RXRA: variants seen among roughly 807,000 people sequenced by gnomAD.
The protein encoded by RXRA is retinoid X receptor alpha.
In RXRA, 5 loss-of-function variants were observed where a neutral mutation model predicts 44.5. The ratio of observed to expected loss-of-function variants is 0.11; its 90% CI spans 0.06 to 0.24. RXRA has a LOEUF of 0.24. Among genes scored for constraint, RXRA ranks in the 10% least tolerant of loss-of-function variants. The pLI is 1.00. For missense variants in RXRA, 412 were observed against 646.5 expected (o/e 0.64, Z 3.93); for synonymous variants, 291 against 271.4 (o/e 1.07, Z -0.71).
intron 1 of RXRA, among the ~76,000 whole-genome samples, chr9:134,347,433 A>G (rs1051726790): frequency 1.3e-5 from 2 of 152,146 alleles, no homozygotes; most frequent in East Asian, 3.9e-4. Context: ...TGGGAGGCAG[A>G]CACCGTGCCG....
In RXRA at chr9:134,357,080, C is replaced by T. The variant is rs73663462; in HGVS notation, c.28+30421C>T. On this transcript the variant is annotated intron_variant, in intron 1 of 9. Coordinates refer to ENST00000481739, the MANE Select transcript of RXRA (RefSeq NM_002957.6). ...AAAAGAAAAGAAAAAAATCCACCCC[C>T]AAACCCACCCAGCCCACACCCTGAA... Among the ~76,000 whole-genome samples, 726 of 152,334 alleles carry T rather than the reference C, an allele frequency of 4.8e-3. 7 individuals carry two copies. Among genetic ancestry groups the T allele is most frequent in the African/African-American group, 0.016 (681 of 41,572 alleles).
Position 134,401,651 on chromosome 9 carries a change from C to T in RXRA, c.48C>T (p.Asn16=), listed in dbSNP as rs755375514. 4 of 1,612,990 alleles carry T rather than the reference C, an allele frequency of 2.5e-6. No individual in the cohort carries two copies. Among genetic ancestry groups the T allele is most frequent in the Non-Finnish European group, 3.4e-6 (4 of 1,179,930 alleles). ...FLPLDFSTQV[N]SSLTSPTGRG... ...TTGCAGATTTCTCCACCCAGGTGAA[C>T]TCCTCCCTCACCTCCCCGACGGGGC... Residue 16 remains asparagine (N), a synonymous_variant, in exon 2 of 10, where the codon AAC becomes AAT. Transcript: ENST00000481739.
At chr9:134,393,442 G>T (rs1830829138) in intron 1 of RXRA, among the ~76,000 whole-genome samples, 1 of 152,190 alleles carries the variant, frequency 6.6e-6, no homozygotes. Flanking sequence ...CAGGCAGCCT[G>T]GTCCCAGGTT....
chr9:134,420,654 C>G (rs1461936311), intron 5 of RXRA, among the ~76,000 whole-genome samples: 1 of 152,242 alleles, frequency 6.6e-6, no homozygotes, highest in Non-Finnish European at 1.5e-5. Flanking sequence ...GCATTTTTCT[C>G]CTTGGCAGAT....
In RXRA at chr9:134,342,406, G is replaced by A. The variant is rs1830096454; in HGVS notation, c.28+15747G>A. Among the ~76,000 whole-genome samples the A allele has an allele frequency of 6.6e-6, 1 of 152,202 alleles. No homozygotes were observed. Among genetic ancestry groups the A allele is most frequent in the Non-Finnish European group, 1.5e-5 (1 of 68,030 alleles). ...GATCTTCAAGGCCACACAGCTTGTGGGCATGGAGGGGCCGATCCTTGCCCT... is the reference window on the plus strand; with the variant it reads ...GATCTTCAAGGCCACACAGCTTGTGAGCATGGAGGGGCCGATCCTTGCCCT... On this transcript the variant is annotated intron_variant, in intron 1 of 9. Coordinates refer to ENST00000481739, the MANE Select transcript of RXRA (RefSeq NM_002957.6). The surrounding 1 kb of genome is among the most constrained non-coding windows in gnomAD (Gnocchi z 4.4).
intron 1 of RXRA, among the ~76,000 whole-genome samples, chr9:134,400,942 G>A (rs1830949463): frequency 1.3e-5 from 2 of 152,200 alleles, no homozygotes; most frequent in African/African-American, 2.4e-5. Context: ...GTGCCCGGGC[G>A]ACCACTGCTG....
Position 134,365,443 on chromosome 9 carries a change from C to T in RXRA, c.29-36189C>T, listed in dbSNP as rs938688220. On this transcript the variant is annotated intron_variant, in intron 1 of 9. Transcript: ENST00000481739. This position sits in a 1 kb window ranked among gnomAD's most constrained non-coding sequence, Gnocchi z 4.0. ...TCGTGGTGTGTCCTGGTGTGAGACC[C>T]GGTGTTCTTGGCTGATGTGTGGGTT... is the stretch of plus-strand genomic sequence containing the variant. 6.6e-6 allele frequency among the ~76,000 whole-genome samples: 1 copy of T among 152,114 alleles called. No individual in the cohort carries two copies. The highest frequency in any genetic ancestry group is 1.5e-5 in the Non-Finnish European group (1 of 68,014).
intron 1 of RXRA, among the ~76,000 whole-genome samples, chr9:134,330,018 C>T (rs1834978456): frequency 3.3e-5 from 5 of 152,344 alleles, no homozygotes; most frequent in African/African-American, 4.8e-5. Flanking sequence ...GAAAGCTTTA[C>T]AGGTCCACCC....
intron 1 of RXRA, among the ~76,000 whole-genome samples, chr9:134,363,239 C>T (rs930317896): frequency 1.3e-5 from 2 of 152,138 alleles, no homozygotes; most frequent in African/African-American, 4.8e-5. Context: ...TGGCCACGGG[C>T]GAGGGGGTGG....
In RXRA at chr9:134,436,860, C is replaced by T. The variant is rs1831631586; in HGVS notation, c.*246C>T. On this transcript the variant is annotated 3_prime_UTR_variant, in exon 10 of 10. Coordinates refer to ENST00000481739, the MANE Select transcript of RXRA (RefSeq NM_002957.6). ...CCTTCGTGGCAAGAACTAGCGTGAG[C>T]CCAGCCAGGCGCCTCCCCACCGGGC... 4.0e-6 allele frequency: 2 copies of T among 500,752 alleles called. No individual in the cohort carries two copies. The highest frequency in any genetic ancestry group is 2.5e-5 in the South Asian group (1 of 40,062). 31.0% of individuals were successfully genotyped at this position (500,752 alleles called of 1,614,324 possible).
Position 134,417,379 on chromosome 9 carries a change from T to G in RXRA, c.780+52T>G, listed in dbSNP as rs760914164. Reference sequence around the variant, plus strand: ...GCAGCCTCACATGCCTCAGTTTCCCTCACTCACTCACCCTCCCACCTGAGC... The same window carrying G: ...GCAGCCTCACATGCCTCAGTTTCCCGCACTCACTCACCCTCCCACCTGAGC... On this transcript the variant is annotated intron_variant, in intron 5 of 9. Transcript: ENST00000481739. The surrounding 1 kb of genome is among the most constrained non-coding windows in gnomAD (Gnocchi z 6.1). The G allele has an allele frequency of 1.3e-6, 2 of 1,578,086 alleles. No individual in the cohort carries two copies. Among genetic ancestry groups the G allele is most frequent in the Admixed American group, 3.4e-5 (2 of 58,824 alleles).
At chr9:134,335,213 C>G (rs1443813946) in intron 1 of RXRA, among the ~76,000 whole-genome samples, 1 of 152,202 alleles carries the variant, frequency 6.6e-6, no homozygotes, top group Non-Finnish European at 1.5e-5. Flanking sequence ...GTAGGCTGCC[C>G]CATGCGATGA....
chr9:134,336,901 C>G (rs1357827939), intron 1 of RXRA, among the ~76,000 whole-genome samples: 1 of 152,236 alleles, frequency 6.6e-6, no homozygotes, highest in Non-Finnish European at 1.5e-5. Flanking sequence ...GAAGGGAAGT[C>G]CTGTGTGTCT....
intron 6 of RXRA, among the ~76,000 whole-genome samples, chr9:134,427,584 G>A (rs1327423175): frequency 1.3e-5 from 2 of 152,234 alleles, no homozygotes; most frequent in East Asian, 1.9e-4. Flanking sequence ...TGGGCGGGGC[G>A]GCCTCGGGGG....
rs192363782 is a variant in RXRA, at chr9:134,424,125, C to T, written c.910+2320C>T. Reference sequence around the variant, plus strand: ...GTGCTGAGGGCCTGCGTGGGGTGGTCGTGGTGGAGTGCAGTGCTGAGGTTA... The same window carrying T: ...GTGCTGAGGGCCTGCGTGGGGTGGTTGTGGTGGAGTGCAGTGCTGAGGTTA... On this transcript the variant is annotated intron_variant, in intron 6 of 9. Transcript: ENST00000481739. 327 of 980,840 alleles carry T rather than the reference C, an allele frequency of 3.3e-4. 3 individuals carry two copies. The East Asian group carries it at 0.027, about 81-fold the overall frequency. The allele number at this position is 980,840 out of a possible 1,614,324, so 60.8% of individuals were successfully genotyped here.
At chr9:134,392,614 G>A (rs1446917441) in intron 1 of RXRA, among the ~76,000 whole-genome samples, 1 of 152,180 alleles carries the variant, frequency 6.6e-6, no homozygotes, top group Non-Finnish European at 1.5e-5. Flanking sequence ...TGGGTCCCTG[G>A]GATGGGTGGG....
In RXRA at chr9:134,382,012, T is replaced by G. The variant is rs34399387; in HGVS notation, c.29-19620T>G. ...CCCTCCCCACGTCTCCTCCTCTCCT[T>G]CTGTCCCTGGACCCAGGAGTTTGGG... On this transcript the variant is annotated intron_variant, in intron 1 of 9. Coordinates refer to ENST00000481739, the MANE Select transcript of RXRA (RefSeq NM_002957.6). 6.1e-3 allele frequency among the ~76,000 whole-genome samples: 930 copies of G among 152,190 alleles called. 9 individuals are homozygous for G. The highest frequency in any genetic ancestry group is 0.024 in the Middle Eastern group (7 of 294).
chr9:134,427,502 G>A (rs559791140), intron 6 of RXRA, among the ~76,000 whole-genome samples: 54 of 152,310 alleles, frequency 3.5e-4, no homozygotes, highest in Middle Eastern at 3.4e-3. Flanking sequence ...AGACCCCACC[G>A]TTCCTCCCTC....
chr9:134,425,568 G>T, intron 6 of RXRA: 1 of 815,062 alleles, frequency 1.2e-6, no homozygotes. Context: ...GGGGGTGAGG[G>T]GGGTGGGGGG....
Sources: allele counts gnomAD v4.1 joint callset (sites outside exome capture counted in the v4.1 genomes callset), GRCh38; gene constraint gnomAD v4.1.1; non-coding constraint Gnocchi (gnomAD v3.1); transcripts MANE v1.5; gene names NCBI Gene and HGNC (gene_info 2026-07-23, HGNC 2026-07-21).